Variants in LRMDA observed in about 807,000 individuals in gnomAD.
LRMDA encodes the protein leucine-rich melanocyte differentiation-associated protein.
In LRMDA, 18 loss-of-function variants were observed where a neutral mutation model predicts 29.8. That is an observed-to-expected ratio of 0.60 (90% CI 0.42 to 0.90). The LOEUF (loss-of-function observed/expected upper bound fraction) is 0.90. Among genes scored for constraint, LRMDA ranks in the 40% least tolerant of loss-of-function variants. LRMDA has a pLI of 0.00. For missense variants in LRMDA, 273 were observed against 273.9 expected (o/e 1.00, Z 0.02); for synonymous variants, 125 against 109.4 (o/e 1.14, Z -0.89).
rs930532145 is a variant in LRMDA, at chr10:76,369,095, A to G, written c.601+44610A>G. On this transcript the variant is annotated intron_variant, in intron 6 of 6. Transcript: ENST00000611255. ...TTTAAGTGGAGCATTTAGGCCATTT[A>G]CATTCAATGTTAGTATTGAAATGTG... is the stretch of plus-strand genomic sequence containing the variant. Among the ~76,000 whole-genome samples the G allele has an allele frequency of 2.6e-5, 4 of 152,182 alleles. No homozygotes were observed. In the South Asian group the frequency reaches 6.2e-4, roughly 24 times the overall value.
At chr10:76,483,283 T>G (rs1465655646) in intron 6 of LRMDA, among the ~76,000 whole-genome samples, 1 of 151,916 alleles carries the variant, frequency 6.6e-6, no homozygotes, top group Non-Finnish European at 1.5e-5. Flanking sequence ...TTAGCTATGT[T>G]TTACAACATT....
At chr10:75,490,709 C>CT (rs1281514528) in intron 2 of LRMDA, among the ~76,000 whole-genome samples, 2 of 152,156 alleles carry the variant, frequency 1.3e-5, no homozygotes, top group Non-Finnish European at 2.9e-5. Flanking sequence ...GGATATCTGC[C>CT]TGCTGATCCA....
intron 6 of LRMDA, among the ~76,000 whole-genome samples, chr10:76,471,346 A>AT (rs1288728996): frequency 1.3e-5 from 2 of 151,756 alleles, no homozygotes; most frequent in South Asian, 2.1e-4. Flanking sequence ...CAATTTTAAA[A>AT]TTTTTTGTGA....
At chr10:76,159,795 A>G (rs2132176657) in intron 5 of LRMDA, among the ~76,000 whole-genome samples, 1 of 152,322 alleles carries the variant, frequency 6.6e-6, no homozygotes, top group African/African-American at 2.4e-5. Flanking sequence ...TATATGCTGT[A>G]TGATTCTAGC....
chr10:76,434,617 C>T (rs2132286138), intron 6 of LRMDA, among the ~76,000 whole-genome samples: 1 of 152,322 alleles, frequency 6.6e-6, no homozygotes. Context: ...GTCCATCCAT[C>T]CATTCATTCA....
chr10:76,060,995 A>G (rs1052990758), intron 5 of LRMDA, among the ~76,000 whole-genome samples: 3 of 152,240 alleles, frequency 2.0e-5, no homozygotes, highest in Admixed American at 2.0e-4. Flanking sequence ...CAGAACTACC[A>G]TTTGACCTAG....
intron 2 of LRMDA, among the ~76,000 whole-genome samples, chr10:75,746,414 T>C (rs1288268757): frequency 6.6e-6 from 1 of 152,250 alleles, no homozygotes; most frequent in African/African-American, 2.4e-5. Context: ...AAGAAAGGAT[T>C]ATCTGCTGTC....
chr10:75,734,868 C>T (rs1842741728), intron 2 of LRMDA, among the ~76,000 whole-genome samples: 1 of 152,194 alleles, frequency 6.6e-6, no homozygotes, highest in Admixed American at 6.5e-5. Context: ...GCTCAGATTC[C>T]ACATTCTTAT....
chr10:75,762,736 T>G (rs1284081034), intron 2 of LRMDA, among the ~76,000 whole-genome samples: 1 of 152,180 alleles, frequency 6.6e-6, no homozygotes, highest in African/African-American at 2.4e-5. Context: ...GCAGATAAAG[T>G]TTTTAGAATC....
chr10:75,465,015 C>A (rs1844631529), intron 2 of LRMDA, among the ~76,000 whole-genome samples: 1 of 152,182 alleles, frequency 6.6e-6, no homozygotes, highest in Non-Finnish European at 1.5e-5. Context: ...TTCCCTGGGG[C>A]CTCTTCCTTC....
At chr10:76,223,611 C>T (rs1173958186) in intron 5 of LRMDA, among the ~76,000 whole-genome samples, 2 of 152,170 alleles carry the variant, frequency 1.3e-5, no homozygotes, top group African/African-American at 2.4e-5. Context: ...TACCTGTGGG[C>T]TCCCAGAGAG....
chr10:75,724,307 G>C (rs2132190746), intron 2 of LRMDA, among the ~76,000 whole-genome samples: 1 of 152,326 alleles, frequency 6.6e-6, no homozygotes, highest in African/African-American at 2.4e-5. Context: ...ACGTTTCACA[G>C]AGTGCCAGCA....
chr10:76,530,368 G>T (rs1373315082), intron 6 of LRMDA, among the ~76,000 whole-genome samples: 2 of 152,240 alleles, frequency 1.3e-5, no homozygotes, highest in East Asian at 3.9e-4. Context: ...GATTTGGTGG[G>T]CCCCAAGGAG....
chr10:75,622,650 C>T (rs1011795226), intron 2 of LRMDA, among the ~76,000 whole-genome samples: 2 of 152,172 alleles, frequency 1.3e-5, no homozygotes, highest in Admixed American at 6.6e-5. Context: ...CTCTATGTGA[C>T]ATTTATACCA....
At chr10:75,891,152 T>A (rs1383803063) in intron 2 of LRMDA, among the ~76,000 whole-genome samples, 1 of 148,610 alleles carries the variant, frequency 6.7e-6, no homozygotes, top group Non-Finnish European at 1.5e-5. Context: ...GGCCATATTG[T>A]GTTGTGTAGC....
chr10:76,413,224 C>T (rs537038205), intron 6 of LRMDA, among the ~76,000 whole-genome samples: 1 of 152,182 alleles, frequency 6.6e-6, no homozygotes, highest in Non-Finnish European at 1.5e-5. Flanking sequence ...ATCTCTCCTA[C>T]ATAGATGCCT....
chr10:76,172,667 A>G (rs1278986936), intron 5 of LRMDA, among the ~76,000 whole-genome samples: 1 of 152,182 alleles, frequency 6.6e-6, no homozygotes, highest in East Asian at 1.9e-4. Context: ...CAGGACCAGA[A>G]GTAGTGCTGT....
chr10:76,154,570 G>T (rs1014546924), intron 5 of LRMDA, among the ~76,000 whole-genome samples: 1 of 152,192 alleles, frequency 6.6e-6, no homozygotes, highest in Non-Finnish European at 1.5e-5. Flanking sequence ...GTATCATGTT[G>T]ATGGTTTGGA....
intron 6 of LRMDA, among the ~76,000 whole-genome samples, chr10:76,481,848 T>A (rs1842736055): frequency 6.6e-6 from 1 of 151,932 alleles, no homozygotes; most frequent in Admixed American, 6.6e-5. Context: ...GCATTCATAC[T>A]CCTTGGGTAA....
Sources: gnomAD v4.1 joint callset for allele counts (sites outside exome capture counted in the v4.1 genomes callset) on GRCh38, gnomAD v4.1.1 for gene constraint, MANE v1.5 for transcripts, NCBI Gene and HGNC (gene_info 2026-07-23, HGNC 2026-07-21) for gene names.